The following HSPA4L variants were observed in gnomAD, a reference collection of about 807,000 sequenced individuals.
HSPA4L encodes the protein heat shock 70 kDa protein 4L.
HSPA4L carries 48 observed loss-of-function variants against 100.3 expected under a neutral mutation model. The ratio of observed to expected loss-of-function variants is 0.48; its 90% confidence interval spans 0.38 to 0.61. The LOEUF is 0.61. HSPA4L is among the 20% of genes least tolerant of loss of function. The pLI is 0.00. For missense variants in HSPA4L, 886 were observed against 988.6 expected (o/e 0.90, Z 1.39); for synonymous variants, 319 against 328.2 (o/e 0.97, Z 0.30).
intron 12 of HSPA4L, among the ~76,000 whole-genome samples, chr4:127,813,703 CACAATCTCGGCCCACT>C (rs1162057309): frequency 1.3e-5 from 2 of 152,184 alleles, no homozygotes; most frequent in East Asian, 3.9e-4. Context: ...AGTGCAGTGG[CACAATCTCGGCCCACT>C]ACAACCTCTG....
Position 127,811,527 on chromosome 4 carries a change from T to A in HSPA4L, c.1469T>A (p.Phe490Tyr). The change falls in exon 12 of 19, where the codon TTC (phenylalanine) becomes TAC (tyrosine). Residue 490 changes from phenylalanine to tyrosine, a missense_variant. Phe to Tyr is a conservative substitution (Grantham distance 22). Transcript: ENST00000296464. ...GTTCGTGTTAACATCCATGGAATCTTCAGTGTGGCTAGCGCATCAGTAATT... is the reference window on the plus strand; with the variant it reads ...GTTCGTGTTAACATCCATGGAATCTACAGTGTGGCTAGCGCATCAGTAATT... The part of the protein sequence containing the change: ...VKVRVNIHGI[F>Y]SVASASVIEK... 1 of 1,614,010 alleles carries A rather than the reference T, an allele frequency of 6.2e-7. No individual in the cohort carries two copies. Among genetic ancestry groups the A allele is most frequent in the Non-Finnish European group, 8.5e-7 (1 of 1,179,948 alleles).
intron 18 of HSPA4L, among the ~76,000 whole-genome samples, chr4:127,831,020 A>C (rs1560673275): frequency 6.6e-6 from 1 of 152,146 alleles, no homozygotes; most frequent in Non-Finnish European, 1.5e-5. Flanking sequence ...AGTAATACAG[A>C]ATGAAATAAA....
chr4:127,831,250 A>G (rs1434778700), intron 18 of HSPA4L, among the ~76,000 whole-genome samples: 1 of 152,112 alleles, frequency 6.6e-6, no homozygotes, highest in Non-Finnish European at 1.5e-5. Context: ...CTGTAATCCC[A>G]GCACTTTGGG....
chr4:127,810,292 A>G (rs948278223), intron 11 of HSPA4L, among the ~76,000 whole-genome samples: 1 of 152,230 alleles, frequency 6.6e-6, no homozygotes, highest in Non-Finnish European at 1.5e-5. Context: ...AGAAGGGGAC[A>G]GCACAAATAT....
In HSPA4L at chr4:127,803,877, C is replaced by A. The variant is rs559377014; in HGVS notation, c.908+4C>A. The A allele has an allele frequency of 1.5e-4, 241 of 1,611,740 alleles. 3 individuals are homozygous for A. The South Asian group carries it at 2.6e-3, about 17-fold the overall frequency. ...ATGTTTCTAGTAAAATGAACAGGTA[C>A]CACGTATGTTTTTAGTTTGAAAAGT... On this transcript the variant is annotated splice_donor_region_variant and intron_variant, in intron 7 of 18. Transcript: ENST00000296464.
At chr4:127,799,073 G>A (rs1481122001) in intron 4 of HSPA4L, among the ~76,000 whole-genome samples, 1 of 151,548 alleles carries the variant, frequency 6.6e-6, no homozygotes, top group East Asian at 1.9e-4. Flanking sequence ...TGTATCAGGG[G>A]AAAAAAAAGA....
intron 2 of HSPA4L, among the ~76,000 whole-genome samples, chr4:127,795,494 G>A (rs754165814): frequency 2.0e-5 from 3 of 152,074 alleles, no homozygotes; most frequent in Non-Finnish European, 4.4e-5. Context: ...AATTTGAAAC[G>A]TTTTAAAGGT....
At chr4:127,811,844 C>CTT (rs1278554406) in intron 12 of HSPA4L, among the ~76,000 whole-genome samples, 1 of 152,128 alleles carries the variant, frequency 6.6e-6, no homozygotes, top group Non-Finnish European at 1.5e-5. Flanking sequence ...TTGTCACATA[C>CTT]TTTTTAAGAG....
intron 1 of HSPA4L, among the ~76,000 whole-genome samples, chr4:127,783,333 G>A (rs1421229856): frequency 6.6e-6 from 1 of 152,092 alleles, no homozygotes; most frequent in Non-Finnish European, 1.5e-5. Flanking sequence ...CTGGCCTTGT[G>A]CATTGGTAAC....
rs1036609869 is a variant in HSPA4L at position 127,809,447 on chromosome 4, T to G, written c.1378+1318T>G. The G allele has an allele frequency of 4.1e-6, 5 of 1,208,444 alleles. No individual in the cohort carries two copies. The African/African-American group carries it at 7.5e-5, about 18-fold the overall frequency. 74.9% of individuals were successfully genotyped at this position (1,208,444 alleles called of 1,614,324 possible). ...ACTCTGCATTTGGGAACCTGATTCT[T>G]CCTGTTTTACCTCGCCTTGACCCAG... On this transcript the variant is annotated intron_variant, in intron 11 of 18. Coordinates refer to ENST00000296464, the MANE Select transcript of HSPA4L (RefSeq NM_014278.4).
intron 4 of HSPA4L, among the ~76,000 whole-genome samples, chr4:127,800,539 A>T (rs1014888582): frequency 6.6e-6 from 1 of 152,134 alleles, no homozygotes; most frequent in Non-Finnish European, 1.5e-5. Context: ...TTTCAATGTT[A>T]TTTGGTGATT....
intron 1 of HSPA4L, among the ~76,000 whole-genome samples, chr4:127,783,893 C>A (rs1399948459): frequency 6.6e-6 from 1 of 152,158 alleles, no homozygotes; most frequent in South Asian, 2.1e-4. Flanking sequence ...AGGTTTTATA[C>A]CTTTTTTCGT....
At position 127,832,761 on chromosome 4, in the gene HSPA4L, A is replaced by C. The variant is rs1346663710; in HGVS notation, c.2407A>C (p.Asn803His). Residue 803 changes from asparagine to histidine, a missense_variant, in exon 19 of 19, where the codon AAT becomes CAT. By Grantham distance (68) the Asn-to-His change is moderately conservative. Coordinates refer to ENST00000296464, the MANE Select transcript of HSPA4L (RefSeq NM_014278.4). ...AGTTCCTGAAGACAAACCAAAAGCT[A>C]ATAGTGAACACAATGGCCCAATGGA... ...AEVPEDKPKA[N>H]SEHNGPMDGQ... 2.9e-5 allele frequency: 46 copies of C among 1,613,802 alleles called. No individual in the cohort carries two copies. The highest frequency in any genetic ancestry group is 3.9e-5 in the Non-Finnish European group (46 of 1,179,802).
chr4:127,833,014 T>C lies in HSPA4L; in HGVS notation c.*140T>C, dbSNP rs2148802793. 5.2e-6 allele frequency: 3 copies of C among 573,500 alleles called. No individual in the cohort carries two copies. The highest frequency in any genetic ancestry group is 5.9e-5 in the East Asian group (2 of 33,808). The allele number at this position is 573,500 out of a possible 1,614,324, so 35.5% of individuals were successfully genotyped here. On this transcript the variant is annotated 3_prime_UTR_variant, in exon 19 of 19. Transcript: ENST00000296464. Reference sequence around the variant, plus strand: ...TTTTTTGGAGTAGTTTTGAAAAGTGTTTTATATTGAGTGCACTTCTGTTCA... The same window carrying C: ...TTTTTTGGAGTAGTTTTGAAAAGTGCTTTATATTGAGTGCACTTCTGTTCA...
intron 12 of HSPA4L, among the ~76,000 whole-genome samples, chr4:127,811,971 A>G (rs1733543114): frequency 6.6e-6 from 1 of 152,224 alleles, no homozygotes; most frequent in African/African-American, 2.4e-5. Flanking sequence ...CTTACAGATA[A>G]AACCACTTCA....
In HSPA4L at chr4:127,839,214, A is replaced by G. The variant is rs1734305434; in HGVS notation, c.*6340A>G. On this transcript the variant is annotated 3_prime_UTR_variant, in exon 19 of 19. Coordinates refer to ENST00000296464, the MANE Select transcript of HSPA4L (RefSeq NM_014278.4). ...CTTCCTTGTTGTTTTAGAGTTTCCTAAATTTTTTGCTTCTGGGGACTTGAG... is the reference window on the plus strand; with the variant it reads ...CTTCCTTGTTGTTTTAGAGTTTCCTGAATTTTTTGCTTCTGGGGACTTGAG... 6.6e-6 allele frequency: 1 copy of G among 152,180 alleles called. No individual in the cohort carries two copies. Among genetic ancestry groups the G allele is most frequent in the South Asian group, 2.1e-4 (1 of 4,836 alleles). 9.4% of individuals were successfully genotyped at this position (152,180 alleles called of 1,614,324 possible).
chr4:127,799,075 A>G (rs1417087517), intron 4 of HSPA4L, among the ~76,000 whole-genome samples: 4 of 152,142 alleles, frequency 2.6e-5, no homozygotes, highest in Non-Finnish European at 5.9e-5. Context: ...TATCAGGGGA[A>G]AAAAAAGATC....
Position 127,824,838 on chromosome 4 carries a change from AT to A in HSPA4L, c.2046+1216del, listed in dbSNP as rs1381543003. Among the ~76,000 whole-genome samples, 7 of 152,336 alleles carry A rather than the reference AT, an allele frequency of 4.6e-5. No individual in the cohort carries two copies. In the East Asian group the frequency reaches 1.3e-3, roughly 29 times the overall value. The stretch of plus-strand genomic sequence containing the variant: ...AAATCTGGAAAAAGTACCTTAAAAG[AT>A]TAAAAGTTTATATTGGGCTGGGCGC... On this transcript the variant is annotated intron_variant, in intron 16 of 18. Coordinates refer to ENST00000296464, the MANE Select transcript of HSPA4L (RefSeq NM_014278.4).
At chr4:127,783,491 A>G (rs1291463599) in intron 1 of HSPA4L, 20 of 1,457,090 alleles carry the variant, frequency 1.4e-5, no homozygotes, top group Non-Finnish European at 1.8e-6. Flanking sequence ...GCTTAGGAGG[A>G]GCGGCGTTAT....
Sources: allele counts gnomAD v4.1 joint callset (sites outside exome capture counted in the v4.1 genomes callset), GRCh38; gene constraint gnomAD v4.1.1; transcripts MANE v1.5; gene names NCBI Gene and HGNC (gene_info 2026-07-23, HGNC 2026-07-21).